SH3RF3: variants seen among roughly 807,000 people sequenced by gnomAD.
SH3RF3 encodes E3 ubiquitin-protein ligase SH3RF3.
In SH3RF3, 29 loss-of-function variants were observed where a neutral mutation model predicts 66.3. The observed-to-expected ratio is 0.44, with a 90% CI of 0.33 to 0.60. SH3RF3 has a LOEUF of 0.60. SH3RF3 is among the 20% of genes least tolerant of loss of function. The probability of loss-of-function intolerance (pLI) is 0.04; values close to 1 mark genes in which losing one functional copy is unlikely to be tolerated. For missense variants in SH3RF3, 1,194 were observed against 1,190.9 expected (o/e 1.00, Z -0.04); for synonymous variants, 583 against 532.0 (o/e 1.10, Z -1.32).
intron 3 of SH3RF3, among the ~76,000 whole-genome samples, chr2:109,396,564 G>C (rs1020136769): frequency 6.6e-6 from 1 of 152,152 alleles, no homozygotes; most frequent in Non-Finnish European, 1.5e-5. Flanking sequence ...TGGGTTTTTT[G>C]TTTTTGTTTT....
At chr2:109,276,641 C>G (rs1680764354) in intron 1 of SH3RF3, among the ~76,000 whole-genome samples, 1 of 152,196 alleles carries the variant, frequency 6.6e-6, no homozygotes, top group Non-Finnish European at 1.5e-5. Flanking sequence ...GGCTAAGGCG[C>G]TGGACAAATC....
intron 1 of SH3RF3, among the ~76,000 whole-genome samples, chr2:109,295,300 A>G (rs114997163): frequency 0.011 from 1,747 of 152,268 alleles, 47 homozygotes; most frequent in African/African-American, 0.039. Flanking sequence ...GTCATCCCCA[A>G]TTTGTAGATG....
At chr2:109,306,454 A>G (rs1001457502) in intron 1 of SH3RF3, among the ~76,000 whole-genome samples, 1 of 152,222 alleles carries the variant, frequency 6.6e-6, no homozygotes, top group African/African-American at 2.4e-5. Flanking sequence ...CAGGCTGCAC[A>G]TACCGCAGAA....
chr2:109,427,948 T>G (rs1677080266), intron 5 of SH3RF3, among the ~76,000 whole-genome samples: 1 of 152,178 alleles, frequency 6.6e-6, no homozygotes, highest in South Asian at 2.1e-4. Flanking sequence ...TCTGCACTCA[T>G]CCTCGCCCTG....
At position 109,441,132 on chromosome 2, in the gene SH3RF3, C is replaced by CAAAAAAAAAAAA. The variant is rs55649222; in HGVS notation, c.1828+3989_1828+4000dup. ...AAGCTTAAGAATATTTATAGGAATA[C>CAAAAAAAAAAAA]AAAAAAAAAAAAAATTCCAGCTCTC... On this transcript the variant is annotated intron_variant, in intron 7 of 9. Coordinates refer to ENST00000309415, the MANE Select transcript of SH3RF3 (RefSeq NM_001099289.3). Among the ~76,000 whole-genome samples, 231 of 133,958 alleles carry CAAAAAAAAAAAA rather than the reference C, an allele frequency of 1.7e-3. 3 individuals are homozygous for CAAAAAAAAAAAA. Among genetic ancestry groups the CAAAAAAAAAAAA allele is most frequent in the African/African-American group, 6.4e-3 (216 of 33,600 alleles). 87.9% of individuals were successfully genotyped at this position (133,958 alleles called of 152,430 possible).
chr2:109,278,010 CAAA>C (rs58675048), intron 1 of SH3RF3, among the ~76,000 whole-genome samples: 2 of 81,324 alleles, frequency 2.5e-5, no homozygotes, highest in Admixed American at 1.3e-4. Context: ...CTGTCTCTAA[CAAA>C]AAAAAAAAAA....
rs147201678 is a variant in SH3RF3, at chr2:109,183,751, C to T, written c.573+53638C>T. Among the ~76,000 whole-genome samples the T allele has an allele frequency of 4.3e-4, 66 of 152,332 alleles. No individual in the cohort carries two copies. In the East Asian group the frequency reaches 4.8e-3, roughly 11 times the overall value. On this transcript the variant is annotated intron_variant, in intron 1 of 9. Coordinates refer to ENST00000309415, the MANE Select transcript of SH3RF3 (RefSeq NM_001099289.3). The stretch of plus-strand genomic sequence containing the variant: ...GGAGCATTTGATCCTCCCAGCAGCT[C>T]GGTCAGGTCAGGAATTATTTATACT...
chr2:109,283,322 C>T (rs919138084), intron 1 of SH3RF3, among the ~76,000 whole-genome samples: 2 of 152,236 alleles, frequency 1.3e-5, no homozygotes, highest in African/African-American at 4.8e-5. Flanking sequence ...TGGACACCTG[C>T]TCCCCTGCTC....
At chr2:109,435,766 T>A (rs562442242) in intron 6 of SH3RF3, among the ~76,000 whole-genome samples, 1 of 152,344 alleles carries the variant, frequency 6.6e-6, no homozygotes, top group African/African-American at 2.4e-5. Context: ...CCCACTTTAT[T>A]TAGTTTTTAA....
intron 2 of SH3RF3, among the ~76,000 whole-genome samples, chr2:109,359,709 C>T (rs1183286930): frequency 6.6e-6 from 1 of 152,236 alleles, no homozygotes; most frequent in South Asian, 2.1e-4. Context: ...ATATTCCACA[C>T]CTGACCTTAT....
intron 1 of SH3RF3, among the ~76,000 whole-genome samples, chr2:109,221,567 G>A (rs1679242379): frequency 6.8e-6 from 1 of 146,672 alleles, no homozygotes; most frequent in Non-Finnish European, 1.5e-5. Flanking sequence ...GGGTGACAGG[G>A]TGAGACTCCA....
chr2:109,417,456 C>T (rs551287013), intron 4 of SH3RF3, among the ~76,000 whole-genome samples: 1 of 152,278 alleles, frequency 6.6e-6, no homozygotes, highest in South Asian at 2.1e-4. Context: ...GGAAGGAATG[C>T]CCCCTTCCAG....
chr2:109,446,060 T>C (rs1677695460), intron 7 of SH3RF3, among the ~76,000 whole-genome samples: 1 of 152,144 alleles, frequency 6.6e-6, no homozygotes. Flanking sequence ...TCAAAGAAGA[T>C]GTGGGCTACT....
At chr2:109,364,548 T>C (rs554026373) in intron 2 of SH3RF3, among the ~76,000 whole-genome samples, 10 of 152,356 alleles carry the variant, frequency 6.6e-5, no homozygotes, top group African/African-American at 2.2e-4. Flanking sequence ...ATTTTCTTGA[T>C]ACCAGACATG....
At chr2:109,163,147 A>G (rs2104915116) in intron 1 of SH3RF3, among the ~76,000 whole-genome samples, 1 of 152,276 alleles carries the variant, frequency 6.6e-6, no homozygotes, top group African/African-American at 2.4e-5. Context: ...CAGCAAGGAG[A>G]TCCCACAGAG....
chr2:109,387,877 C>T (rs1675867850), intron 3 of SH3RF3, among the ~76,000 whole-genome samples: 1 of 152,130 alleles, frequency 6.6e-6, no homozygotes, highest in Non-Finnish European at 1.5e-5. Flanking sequence ...GGTCTCCTCC[C>T]CCGGCCCATC....
intron 3 of SH3RF3, among the ~76,000 whole-genome samples, chr2:109,396,107 C>A (rs1028104537): frequency 1.3e-5 from 2 of 152,148 alleles, no homozygotes; most frequent in Non-Finnish European, 2.9e-5. Flanking sequence ...CTCACTGTGC[C>A]CTGCTGCTGT....
chr2:109,141,251 C>T (rs958251453), intron 1 of SH3RF3, among the ~76,000 whole-genome samples: 22 of 152,182 alleles, frequency 1.4e-4, no homozygotes, highest in Admixed American at 1.4e-3. Context: ...CTCACTCTTC[C>T]CCTCTGTGGG....
chr2:109,458,063 C>T (rs944341533), intron 8 of SH3RF3, among the ~76,000 whole-genome samples: 1 of 152,144 alleles, frequency 6.6e-6, no homozygotes, highest in Admixed American at 6.5e-5. Flanking sequence ...GGTGCAGGAG[C>T]CGGGGAGGGC....
Sources: allele counts gnomAD v4.1 joint callset (sites outside exome capture counted in the v4.1 genomes callset), GRCh38; gene constraint gnomAD v4.1.1; transcripts MANE v1.5; gene names NCBI Gene and HGNC (gene_info 2026-07-23, HGNC 2026-07-21).